Variants in ARB2A observed in about 807,000 individuals in gnomAD.
The protein encoded by ARB2A is cotranscriptional regulator ARB2A.
At chr5:93,994,275 C>T in the ARB2A span, among the ~76,000 whole-genome samples, 1 of 152,232 alleles carries the variant, frequency 6.6e-6, no homozygotes, top group Non-Finnish European at 1.5e-5. Context: ...AAATGTCCAT[C>T]GATGGCTGAA....
the ARB2A span, among the ~76,000 whole-genome samples, chr5:93,956,648 TA>T: frequency 2.8e-5 from 4 of 144,554 alleles, no homozygotes; most frequent in East Asian, 8.0e-4. Context: ...TCCAAACAAA[TA>T]AAAACAAAAG....
the ARB2A span, among the ~76,000 whole-genome samples, chr5:93,808,893 T>C: frequency 6.6e-6 from 1 of 152,000 alleles, no homozygotes; most frequent in Non-Finnish European, 1.5e-5. Flanking sequence ...AAAATCAAAA[T>C]ATTTTAAACA....
At chr5:93,974,043 A>G in the ARB2A span, among the ~76,000 whole-genome samples, 1 of 152,210 alleles carries the variant, frequency 6.6e-6, no homozygotes, top group Non-Finnish European at 1.5e-5. Context: ...AAAACCTCAA[A>G]TATCAATATT....
At chr5:93,955,596 A>G in the ARB2A span, among the ~76,000 whole-genome samples, 2 of 152,358 alleles carry the variant, frequency 1.3e-5, no homozygotes, top group Non-Finnish European at 2.9e-5. Flanking sequence ...TAGTATTTTG[A>G]AAGTATCTTT....
chr5:94,027,376 G>A, the ARB2A span, among the ~76,000 whole-genome samples: 1 of 152,168 alleles, frequency 6.6e-6, no homozygotes, highest in Non-Finnish European at 1.5e-5. Context: ...AGAAGGTTAG[G>A]ACTTTCATTC....
chr5:94,016,698 C>G, the ARB2A span, among the ~76,000 whole-genome samples: 2 of 152,322 alleles, frequency 1.3e-5, no homozygotes, highest in South Asian at 4.1e-4. Context: ...TATGCCCTCC[C>G]TCCTTAAAAT....
the ARB2A span, among the ~76,000 whole-genome samples, chr5:93,685,834 A>C: frequency 2.0e-5 from 3 of 152,106 alleles, no homozygotes; most frequent in African/African-American, 7.2e-5. Context: ...TCTTATATGT[A>C]TTCCCAACCC....
the ARB2A span, among the ~76,000 whole-genome samples, chr5:93,761,390 T>C: frequency 6.6e-6 from 1 of 152,118 alleles, no homozygotes; most frequent in Non-Finnish European, 1.5e-5. Context: ...TCTCAGCAAA[T>C]AGCACACCAG....
the ARB2A span, among the ~76,000 whole-genome samples, chr5:93,801,125 A>C: frequency 6.6e-6 from 1 of 152,280 alleles, no homozygotes; most frequent in South Asian, 2.1e-4. Context: ...CTTGATTTCT[A>C]AAGCTGTTCA....
At chr5:94,027,139 T>C in the ARB2A span, among the ~76,000 whole-genome samples, 3 of 152,172 alleles carry the variant, frequency 2.0e-5, no homozygotes, top group African/African-American at 7.2e-5. Flanking sequence ...GGTAATAAGA[T>C]AAGAGTCTAG....
At chr5:93,721,863 T>C in the ARB2A span, among the ~76,000 whole-genome samples, 6,915 of 152,256 alleles carry the variant, frequency 0.045, 258 homozygotes, top group East Asian at 0.13. Context: ...TATGACTTCT[T>C]GGATAGAAGA....
the ARB2A span, among the ~76,000 whole-genome samples, chr5:93,858,215 G>T: frequency 3.9e-5 from 6 of 152,196 alleles, no homozygotes. Flanking sequence ...TAGAGATTCA[G>T]AACCCAGGGT....
the ARB2A span, among the ~76,000 whole-genome samples, chr5:93,993,023 G>C: frequency 6.6e-6 from 1 of 151,986 alleles, no homozygotes; most frequent in Non-Finnish European, 1.5e-5. Flanking sequence ...CACGATTTTA[G>C]AAAGTAAACT....
At chr5:93,951,211 C>T in the ARB2A span, among the ~76,000 whole-genome samples, 1 of 151,956 alleles carries the variant, frequency 6.6e-6, no homozygotes, top group Admixed American at 6.6e-5. Context: ...TGTTTGAGCT[C>T]CTTATATATT....
chr5:94,005,804 G>T, the ARB2A span, among the ~76,000 whole-genome samples: 2 of 152,126 alleles, frequency 1.3e-5, no homozygotes, highest in African/African-American at 2.4e-5. Context: ...TTAGCCATTA[G>T]TGAAATTCAA....
chr5:93,907,749 GT>G, the ARB2A span, among the ~76,000 whole-genome samples: 1 of 151,270 alleles, frequency 6.6e-6, no homozygotes, highest in Non-Finnish European at 1.5e-5. Flanking sequence ...CTTGCTGATT[GT>G]CATGGGGACA....
chr5:93,747,263 TA>T, the ARB2A span, among the ~76,000 whole-genome samples: 3 of 152,178 alleles, frequency 2.0e-5, no homozygotes, highest in Admixed American at 1.3e-4. Context: ...GAATTATTAT[TA>T]TTTTTTTAAA....
At chr5:94,066,112 G>A in the ARB2A span, among the ~76,000 whole-genome samples, 1 of 151,870 alleles carries the variant, frequency 6.6e-6, no homozygotes, top group Non-Finnish European at 1.5e-5. Context: ...AGTCAAGGAA[G>A]AAATTATGAA....
the ARB2A span, chr5:93,621,162 G>C: frequency 1.9e-6 from 3 of 1,557,918 alleles, no homozygotes; most frequent in Non-Finnish European, 2.6e-6. Context: ...TTACCAGGTG[G>C]CCACGCGGGG....
Sources: allele counts gnomAD v4.1 joint callset (sites outside exome capture counted in the v4.1 genomes callset), GRCh38; gene constraint gnomAD v4.1.1; transcripts MANE v1.5; gene names NCBI Gene and HGNC (gene_info 2026-07-23, HGNC 2026-07-21).